Variants in BICC1 observed in about 807,000 individuals in gnomAD.
The protein encoded by BICC1 is BicC family RNA binding protein 1.
Under a neutral mutation model 111.0 loss-of-function variants are expected in BICC1, and 43 were observed. The ratio of observed to expected loss-of-function variants is 0.39; its 90% CI spans 0.30 to 0.50. The LOEUF is 0.50. Ranked by LOEUF, BICC1 falls within the 20% of genes least tolerant of loss-of-function variation. BICC1 has a pLI of 0.88. For synonymous variants in BICC1, 467 were observed against 434.4 expected (o/e 1.07, Z -0.93); for missense variants, 1,091 against 1,203.2 (o/e 0.91, Z 1.38).
intron 1 of BICC1, among the ~76,000 whole-genome samples, chr10:58,577,807 C>G (rs1327527876): frequency 1.3e-5 from 2 of 152,156 alleles, no homozygotes; most frequent in Non-Finnish European, 2.9e-5. Context: ...GGTGGAAGCA[C>G]AAGAGGAATC....
intron 1 of BICC1, among the ~76,000 whole-genome samples, chr10:58,518,761 C>T (rs1170573110): frequency 6.6e-6 from 1 of 152,030 alleles, no homozygotes; most frequent in Non-Finnish European, 1.5e-5. Context: ...GTAAAGAGCC[C>T]AGGAGCTGCT....
intron 2 of BICC1, among the ~76,000 whole-genome samples, chr10:58,653,705 A>T (rs1838526394): frequency 6.6e-6 from 1 of 151,280 alleles, no homozygotes; most frequent in African/African-American, 2.4e-5. Context: ...TTATGCTTTA[A>T]GTTTTAGGGT....
At chr10:58,514,989 C>T (rs920837538) in intron 1 of BICC1, among the ~76,000 whole-genome samples, 1 of 152,204 alleles carries the variant, frequency 6.6e-6, no homozygotes, top group Non-Finnish European at 1.5e-5. Context: ...TGATCTGTTT[C>T]ACCTGCGCAC....
chr10:58,697,058 G>A (rs1840085049), intron 2 of BICC1, among the ~76,000 whole-genome samples: 1 of 152,146 alleles, frequency 6.6e-6, no homozygotes, highest in African/African-American at 2.4e-5. Flanking sequence ...TATTTTAAAC[G>A]TGTTTCCCAA....
At chr10:58,659,382 C>T (rs1838767317) in intron 2 of BICC1, among the ~76,000 whole-genome samples, 1 of 152,098 alleles carries the variant, frequency 6.6e-6, no homozygotes, top group Non-Finnish European at 1.5e-5. Flanking sequence ...ACATATACAC[C>T]ATGGAATACT....
At chr10:58,657,056 C>G (rs1302651189) in intron 2 of BICC1, among the ~76,000 whole-genome samples, 4 of 152,112 alleles carry the variant, frequency 2.6e-5, no homozygotes, top group Admixed American at 2.6e-4. Flanking sequence ...TTCTCCATTC[C>G]TCTATCTTAA....
At chr10:58,727,256 A>G (rs1841135967) in intron 3 of BICC1, among the ~76,000 whole-genome samples, 1 of 152,158 alleles carries the variant, frequency 6.6e-6, no homozygotes, top group African/African-American at 2.4e-5. Flanking sequence ...CTTAGTGCAT[A>G]TGTATCCAAA....
At chr10:58,698,795 A>G (rs778791234) in intron 2 of BICC1, among the ~76,000 whole-genome samples, 3 of 152,224 alleles carry the variant, frequency 2.0e-5, no homozygotes, top group Admixed American at 1.3e-4. Flanking sequence ...CTTTAGAAAT[A>G]GATACGATAA....
intron 2 of BICC1, among the ~76,000 whole-genome samples, chr10:58,669,098 T>G (rs2132316297): frequency 6.6e-6 from 1 of 152,166 alleles, no homozygotes; most frequent in South Asian, 2.1e-4. Context: ...AGCAATAAAA[T>G]ATAGTTTCTT....
chr10:58,553,492 C>T (rs1335934118), intron 1 of BICC1, among the ~76,000 whole-genome samples: 9 of 152,102 alleles, frequency 5.9e-5, no homozygotes, highest in African/African-American at 1.9e-4. Context: ...TCCATCAACA[C>T]CTGGATTTTA....
rs1267884665 is a variant in BICC1, at chr10:58,513,013, G to A, written c.-131G>A. On this transcript the variant is annotated 5_prime_UTR_variant, in exon 1 of 21. Transcript: ENST00000373886. ...CAGTGGCGGCGGCGGCGTTGGCGGT[G>A]GCGTCGGCGGCTGCAGGGGGACGAG... 1.8e-6 allele frequency: 1 copy of A among 569,406 alleles called. No individual in the cohort carries two copies. Among genetic ancestry groups the A allele is most frequent in the African/African-American group, 2.0e-5 (1 of 49,626 alleles). The allele number at this position is 569,406 out of a possible 1,614,324, so 35.3% of individuals were successfully genotyped here.
intron 2 of BICC1, among the ~76,000 whole-genome samples, chr10:58,645,351 G>A (rs1336086918): frequency 1.5e-5 from 2 of 136,030 alleles, no homozygotes; most frequent in South Asian, 2.4e-4. Context: ...AGCTTGCAGT[G>A]AGCCGAGATC....
At chr10:58,742,327 A>G (rs1339054431) in intron 3 of BICC1, among the ~76,000 whole-genome samples, 3 of 152,036 alleles carry the variant, frequency 2.0e-5, no homozygotes, top group Admixed American at 2.0e-4. Context: ...GCATATTTTA[A>G]GGATTTCTTG....
intron 1 of BICC1, among the ~76,000 whole-genome samples, chr10:58,575,619 C>T (rs1353897563): frequency 1.3e-5 from 2 of 151,440 alleles, no homozygotes; most frequent in Admixed American, 6.6e-5. Context: ...AATAGGGTCT[C>T]GCTATGTTGG....
chr10:58,699,657 C>A (rs1352955876), intron 2 of BICC1, among the ~76,000 whole-genome samples: 3 of 152,008 alleles, frequency 2.0e-5, no homozygotes, highest in East Asian at 3.9e-4. Context: ...GCCTCCCCAC[C>A]AATAGCAACA....
chr10:58,644,979 G>T (rs910774157), intron 2 of BICC1, among the ~76,000 whole-genome samples: 1 of 151,926 alleles, frequency 6.6e-6, no homozygotes, highest in Admixed American at 6.6e-5. Context: ...CATTCTAAAA[G>T]GTTTAGTCTG....
At chr10:58,533,816 C>T (rs181205066) in intron 1 of BICC1, among the ~76,000 whole-genome samples, 1 of 151,688 alleles carries the variant, frequency 6.6e-6, no homozygotes, top group Admixed American at 6.6e-5. Context: ...AAGCATGTCA[C>T]TACAGAAGAA....
At chr10:58,655,879 A>G (rs1181089084) in intron 2 of BICC1, among the ~76,000 whole-genome samples, 1 of 151,862 alleles carries the variant, frequency 6.6e-6, no homozygotes, top group Non-Finnish European at 1.5e-5. Flanking sequence ...ATTTATTGAG[A>G]GTTTTTAGCA....
intron 3 of BICC1, among the ~76,000 whole-genome samples, chr10:58,764,424 A>T (rs966081890): frequency 1.3e-5 from 2 of 152,198 alleles, no homozygotes; most frequent in Non-Finnish European, 2.9e-5. Context: ...AGAAAGATAC[A>T]TATCAAGGAA....
Sources: allele counts gnomAD v4.1 joint callset (sites outside exome capture counted in the v4.1 genomes callset), GRCh38; gene constraint gnomAD v4.1.1; transcripts MANE v1.5; gene names NCBI Gene and HGNC (gene_info 2026-07-23, HGNC 2026-07-21).